Variants in GABRB1 observed in about 807,000 individuals in gnomAD.
The protein encoded by GABRB1 is gamma-aminobutyric acid type A receptor subunit beta1.
Under a neutral mutation model 51.6 loss-of-function variants are expected in GABRB1, and 17 were observed. The observed-to-expected ratio is 0.33, with a 90% CI of 0.23 to 0.49. The LOEUF (loss-of-function observed/expected upper bound fraction) is 0.49, where lower values mean the gene tolerates loss of function less well. Ranked by LOEUF, GABRB1 falls within the 20% of genes least tolerant of loss-of-function variation. The pLI is 0.99. For missense variants in GABRB1, 410 were observed against 600.6 expected (o/e 0.68, Z 3.32); for synonymous variants, 247 against 218.9 (o/e 1.13, Z -1.14).
chr4:47,170,851 C>T (rs112263550), intron 4 of GABRB1, among the ~76,000 whole-genome samples: 22 of 152,208 alleles, frequency 1.4e-4, no homozygotes, highest in African/African-American at 5.1e-4. Flanking sequence ...TGATATTCCC[C>T]TCACAGTTTA....
intron 4 of GABRB1, among the ~76,000 whole-genome samples, chr4:47,227,580 G>A (rs1024454310): frequency 1.3e-5 from 2 of 152,112 alleles, no homozygotes; most frequent in African/African-American, 4.8e-5. Context: ...GAGCTGAGAT[G>A]GCCCTGAGTT....
intron 3 of GABRB1, among the ~76,000 whole-genome samples, chr4:47,139,529 G>A (rs944927802): frequency 1.3e-5 from 2 of 151,908 alleles, no homozygotes; most frequent in African/African-American, 4.8e-5. Flanking sequence ...TGAATCCCTG[G>A]AGAACCTGAC....
chr4:47,101,268 A>C (rs576739364), intron 3 of GABRB1, among the ~76,000 whole-genome samples: 1 of 152,192 alleles, frequency 6.6e-6, no homozygotes, highest in South Asian at 2.1e-4. Flanking sequence ...CATGAAACCA[A>C]ATTATTACAA....
intron 4 of GABRB1, among the ~76,000 whole-genome samples, chr4:47,222,901 A>C (rs1481509705): frequency 6.6e-6 from 1 of 152,150 alleles, no homozygotes; most frequent in Non-Finnish European, 1.5e-5. Context: ...TATCTAAAAA[A>C]TTCATTTCTC....
At chr4:47,006,563 A>T (rs1468007914) in intron 1 of GABRB1, among the ~76,000 whole-genome samples, 9 of 152,168 alleles carry the variant, frequency 5.9e-5, no homozygotes, top group Non-Finnish European at 1.0e-4. Context: ...TTTTGATAAG[A>T]TGTGTAGCTA....
chr4:47,078,903 T>TAGAA (rs979569626), intron 3 of GABRB1, among the ~76,000 whole-genome samples: 12 of 152,318 alleles, frequency 7.9e-5, no homozygotes, highest in South Asian at 2.1e-4. Context: ...AAAATCAGCT[T>TAGAA]AGAAAGAGGC....
chr4:47,388,477 G>A (rs919074985), intron 5 of GABRB1, among the ~76,000 whole-genome samples: 1 of 152,196 alleles, frequency 6.6e-6, no homozygotes, highest in African/African-American at 2.4e-5. Flanking sequence ...CTGGTTGGAA[G>A]TAATGGGGCT....
intron 4 of GABRB1, among the ~76,000 whole-genome samples, chr4:47,236,291 G>A (rs1335300259): frequency 1.3e-5 from 2 of 151,822 alleles, no homozygotes; most frequent in African/African-American, 4.8e-5. Flanking sequence ...AAACAGAGTG[G>A]ACACTTGCCC....
chr4:47,108,840 G>A (rs938054176), intron 3 of GABRB1, among the ~76,000 whole-genome samples: 1 of 152,010 alleles, frequency 6.6e-6, no homozygotes, highest in African/African-American at 2.4e-5. Flanking sequence ...ACAGATCATG[G>A]AGAAAATAAA....
intron 4 of GABRB1, among the ~76,000 whole-genome samples, chr4:47,297,821 A>G (rs2109932688): frequency 6.6e-6 from 1 of 152,324 alleles, no homozygotes; most frequent in East Asian, 1.9e-4. Context: ...AGAATTTTAG[A>G]CCAATATCCT....
chr4:47,118,403 CTAAG>C (rs1715600589), intron 3 of GABRB1, among the ~76,000 whole-genome samples: 1 of 152,080 alleles, frequency 6.6e-6, no homozygotes, highest in African/African-American at 2.4e-5. Context: ...TTGCAGCTGT[CTAAG>C]TGACTTCACA....
At chr4:47,301,567 G>T (rs1372493351) in intron 4 of GABRB1, among the ~76,000 whole-genome samples, 2 of 151,306 alleles carry the variant, frequency 1.3e-5, no homozygotes, top group African/African-American at 4.9e-5. Context: ...CCAGGAAGTT[G>T]AGGCTACAGT....
intron 5 of GABRB1, among the ~76,000 whole-genome samples, chr4:47,392,320 C>A (rs570272684): frequency 4.5e-4 from 67 of 149,724 alleles, no homozygotes; most frequent in Non-Finnish European, 6.2e-4. Flanking sequence ...GAACAGGAAG[C>A]TTCTTTCTCC....
At chr4:47,142,931 T>A (rs1716994536) in intron 3 of GABRB1, among the ~76,000 whole-genome samples, 1 of 151,964 alleles carries the variant, frequency 6.6e-6, no homozygotes, top group Non-Finnish European at 1.5e-5. Flanking sequence ...TTTATTAATT[T>A]CCTTCCACTG....
intron 4 of GABRB1, among the ~76,000 whole-genome samples, chr4:47,185,232 T>G (rs928220262): frequency 6.6e-6 from 1 of 151,866 alleles, no homozygotes; most frequent in Non-Finnish European, 1.5e-5. Context: ...TTAACTGAAA[T>G]CCTTCAATGT....
At chr4:47,201,644 A>G (rs1719901040) in intron 4 of GABRB1, among the ~76,000 whole-genome samples, 2 of 152,130 alleles carry the variant, frequency 1.3e-5, no homozygotes, top group Non-Finnish European at 2.9e-5. Context: ...GGTGGTGGGT[A>G]TATATATGTT....
At chr4:47,413,554 A>G (rs1013764630) in intron 8 of GABRB1, among the ~76,000 whole-genome samples, 2 of 152,226 alleles carry the variant, frequency 1.3e-5, no homozygotes, top group African/African-American at 2.4e-5. Flanking sequence ...TTTAAATATA[A>G]TGGTTGGATG....
intron 4 of GABRB1, among the ~76,000 whole-genome samples, chr4:47,276,258 A>G (rs1723072088): frequency 6.6e-6 from 1 of 152,148 alleles, no homozygotes; most frequent in Non-Finnish European, 1.5e-5. Flanking sequence ...GTTAAGGAAT[A>G]AAGAGCTCAG....
intron 3 of GABRB1, among the ~76,000 whole-genome samples, chr4:47,049,484 G>C (rs28625971): frequency 0.014 from 2,169 of 152,254 alleles, 42 homozygotes; most frequent in African/African-American, 0.05. Context: ...AACACTGAGA[G>C]AGAAATCAAA....
Sources: gnomAD v4.1 joint callset for allele counts (sites outside exome capture counted in the v4.1 genomes callset) on GRCh38, gnomAD v4.1.1 for gene constraint, MANE v1.5 for transcripts, NCBI Gene and HGNC (gene_info 2026-07-23, HGNC 2026-07-21) for gene names.